The following OR51B5 variants were observed in gnomAD, a reference collection of about 807,000 sequenced individuals.
OR51B5 encodes the protein olfactory receptor 51B5.
For missense variants in OR51B5, 456 were observed against 374.6 expected (o/e 1.22, Z -1.79); for synonymous variants, 186 against 144.8 (o/e 1.28, Z -2.04).
chr11:5,363,923 C>A (rs1164354494), intron 1 of OR51B5, among the ~76,000 whole-genome samples: 2 of 152,108 alleles, frequency 1.3e-5, no homozygotes, highest in East Asian at 1.9e-4. Context: ...TAAAAATAGG[C>A]AACTCAGACC....
intron 1 of OR51B5, among the ~76,000 whole-genome samples, chr11:5,430,480 T>C (rs1222047830): frequency 6.6e-6 from 1 of 152,196 alleles, no homozygotes; most frequent in Admixed American, 6.5e-5. Flanking sequence ...AAATAAAATG[T>C]GAGATGGAAA....
At chr11:5,371,933 CTG>C in intron 1 of OR51B5, among the ~76,000 whole-genome samples, 1 of 152,094 alleles carries the variant, frequency 6.6e-6, no homozygotes, top group East Asian at 1.9e-4. Flanking sequence ...CCTTTTTACA[CTG>C]TTTCTATGCA....
intron 1 of OR51B5, among the ~76,000 whole-genome samples, chr11:5,353,923 C>G (rs57115004): frequency 0.031 from 4,784 of 152,104 alleles, 242 homozygotes; most frequent in African/African-American, 0.11. Flanking sequence ...TGATCTTTAT[C>G]TGATTAGACC....
chr11:5,353,352 G>A (rs922352700), intron 1 of OR51B5, among the ~76,000 whole-genome samples: 1 of 152,146 alleles, frequency 6.6e-6, no homozygotes, highest in Non-Finnish European at 1.5e-5. Flanking sequence ...TGAACAGAGA[G>A]ATGCATTTTC....
chr11:5,374,842 C>G (rs1849499121), intron 1 of OR51B5, among the ~76,000 whole-genome samples: 1 of 152,056 alleles, frequency 6.6e-6, no homozygotes, highest in Non-Finnish European at 1.5e-5. Flanking sequence ...GTGAAAAGAT[C>G]AAATCTAGGT....
At chr11:5,464,721 A>G (rs1433462675) in intron 1 of OR51B5, among the ~76,000 whole-genome samples, 1 of 152,090 alleles carries the variant, frequency 6.6e-6, no homozygotes, top group Non-Finnish European at 1.5e-5. Flanking sequence ...AGTCTTTGCT[A>G]TTGTGAATAA....
chr11:5,470,399 G>A (rs1173275112), intron 1 of OR51B5, among the ~76,000 whole-genome samples: 1 of 152,116 alleles, frequency 6.6e-6, no homozygotes, highest in Non-Finnish European at 1.5e-5. Context: ...TTTCTTCTGA[G>A]TAATCACCCA....
intron 1 of OR51B5, among the ~76,000 whole-genome samples, chr11:5,491,423 T>G (rs1455558741): frequency 6.6e-6 from 1 of 152,078 alleles, no homozygotes; most frequent in Non-Finnish European, 1.5e-5. Context: ...CTGTCACAGG[T>G]CAGGGACAGT....
intron 1 of OR51B5, chr11:5,390,331 C>T (rs752528043): frequency 6.2e-7 from 1 of 1,612,440 alleles, no homozygotes; most frequent in South Asian, 1.1e-5. Context: ...CCAAGGAGAT[C>T]CACCGTGCCA....
At chr11:5,487,655 C>T (rs1851517227) in intron 1 of OR51B5, among the ~76,000 whole-genome samples, 1 of 152,202 alleles carries the variant, frequency 6.6e-6, no homozygotes, top group South Asian at 2.1e-4. Flanking sequence ...TATCCCTCTA[C>T]AGCAAGAACA....
At chr11:5,500,939 T>G (rs1017515111) in intron 1 of OR51B5, among the ~76,000 whole-genome samples, 6 of 148,354 alleles carry the variant, frequency 4.0e-5, no homozygotes, top group Non-Finnish European at 7.5e-5. Flanking sequence ...TTATTTTAGG[T>G]TGACACTAGG....
downstream of OR51B5, among the ~76,000 whole-genome samples, chr11:5,341,667 T>G (rs1351486404): frequency 6.6e-6 from 1 of 152,176 alleles, no homozygotes; most frequent in African/African-American, 2.4e-5. Flanking sequence ...TCAGAATGTA[T>G]GTACAGAAAG....
Position 5,462,463 on chromosome 11 carries a change from G to C in OR51B5, n.84+43106C>G, listed in dbSNP as rs184326831. On this transcript the variant is annotated intron_variant and non_coding_transcript_variant, in intron 1 of 4. Coordinates refer to the OR51B5 transcript ENST00000415970. ...CTCATTTTCTGATTACCACAAAGAG[G>C]TCCTGACCTACCTCAATTAAGCCAC... Among the ~76,000 whole-genome samples, 190 of 152,234 alleles carry C rather than the reference G, an allele frequency of 1.2e-3. 1 individual carries two copies. The highest frequency in any genetic ancestry group is 4.3e-3 in the African/African-American group (180 of 41,554).
intron 1 of OR51B5, chr11:5,354,973 ATGGT>A (rs1404012586): frequency 6.2e-6 from 1 of 160,262 alleles, no homozygotes; most frequent in East Asian, 1.9e-4. Context: ...AGGTGTGAAA[ATGGT>A]TGGTGAGAAA....
intron 1 of OR51B5, among the ~76,000 whole-genome samples, chr11:5,461,030 T>A (rs1346597545): frequency 6.6e-6 from 1 of 151,872 alleles, no homozygotes; most frequent in Admixed American, 6.6e-5. Context: ...GGCCAGGCAG[T>A]AGTTGAGGGG....
intron 1 of OR51B5, among the ~76,000 whole-genome samples, chr11:5,410,003 AACC>A (rs1850120249): frequency 6.6e-6 from 1 of 152,150 alleles, no homozygotes; most frequent in Non-Finnish European, 1.5e-5. Context: ...TATGTAAAAT[AACC>A]ACCAACATCC....
chr11:5,453,880 G>C, intron 1 of OR51B5: 1 of 1,614,166 alleles, frequency 6.2e-7, no homozygotes, highest in Non-Finnish European at 8.5e-7. Context: ...GACCCCTTGC[G>C]CTATGCAACT....
intron 1 of OR51B5, among the ~76,000 whole-genome samples, chr11:5,376,551 C>G (rs1433276787): frequency 6.6e-6 from 1 of 151,984 alleles, no homozygotes; most frequent in Non-Finnish European, 1.5e-5. Flanking sequence ...ATCAACAAAA[C>G]TGATAGACCG....
chr11:5,472,559 G>C (rs1413458945), intron 1 of OR51B5, among the ~76,000 whole-genome samples: 2 of 152,192 alleles, frequency 1.3e-5, no homozygotes, highest in South Asian at 2.1e-4. Context: ...AAGTCCAAGG[G>C]CTCCAAGAGG....
Sources: allele counts gnomAD v4.1 joint callset (sites outside exome capture counted in the v4.1 genomes callset), GRCh38; gene constraint gnomAD v4.1.1; transcripts MANE v1.5; gene names NCBI Gene and HGNC (gene_info 2026-07-23, HGNC 2026-07-21).